MRTFA: variants seen among roughly 807,000 people sequenced by gnomAD.
MRTFA encodes the protein myocardin-related transcription factor A.
MRTFA carries 20 observed loss-of-function variants against 83.5 expected under a neutral mutation model. That is an observed-to-expected ratio of 0.24 (90% confidence interval 0.17 to 0.35). MRTFA has a LOEUF of 0.35. MRTFA is among the 10% of genes least tolerant of loss of function. The pLI is 1.00. For missense variants in MRTFA, 1,200 were observed against 1,224.7 expected (o/e 0.98, Z 0.30); for synonymous variants, 659 against 541.2 (o/e 1.22, Z -3.02).
At chr22:40,548,451 T>A (rs1353321141) in intron 3 of MRTFA, among the ~76,000 whole-genome samples, 1 of 136,456 alleles carries the variant, frequency 7.3e-6, no homozygotes, top group Non-Finnish European at 1.6e-5. Context: ...TCAAGAAGAG[T>A]GAGAGAGAGA....
In MRTFA at chr22:40,442,387, G is replaced by A. The variant is rs114838474; in HGVS notation, c.308-6833C>T. 6.3e-3 allele frequency among the ~76,000 whole-genome samples: 962 copies of A among 152,358 alleles called. 9 individuals carry two copies. The highest frequency in any genetic ancestry group is 0.022 in the African/African-American group (916 of 41,578). ...TCCAAGCAGCCCTTCTTTCAGGCAAGCCTGCTGGGTTTCTTTTTCCAGTGT... is the reference window on the plus strand; with the variant it reads ...TCCAAGCAGCCCTTCTTTCAGGCAAACCTGCTGGGTTTCTTTTTCCAGTGT... On this transcript the variant is annotated intron_variant, in intron 4 of 14. Transcript: ENST00000355630.
At position 40,612,427 on chromosome 22, in the gene MRTFA, CAT is replaced by C. The variant is rs768644776; in HGVS notation, c.-83-17694_-83-17693del. ...AAGTCAGGCACTCTTACAGTACACA[CAT>C]GTGTGGCAGTGTAGATTAGCTGTTA... On this transcript the variant is annotated intron_variant, in intron 1 of 14. Transcript: ENST00000355630. Among the ~76,000 whole-genome samples the C allele has an allele frequency of 9.7e-4, 147 of 152,330 alleles. 1 individual carries two copies. In the Middle Eastern group the frequency reaches 0.02, roughly 21 times the overall value.
At chr22:40,413,137 CAAAAAA>C (rs35119560) in intron 14 of MRTFA, among the ~76,000 whole-genome samples, 25 of 28,138 alleles carry the variant, frequency 8.9e-4, no homozygotes, top group Non-Finnish European at 1.2e-3. Flanking sequence ...CACCCTGTCT[CAAAAAA>C]AAAAAAAAAA....
chr22:40,552,310 C>T lies in MRTFA; in HGVS notation c.37G>A (p.Val13Ile), dbSNP rs1035604157. ...CCGTCCAGCCCATTCACAGCAATGACGGAAGGGGGCAGGCACACCACACTG... is the reference window on the plus strand; with the variant it reads ...CCGTCCAGCCCATTCACAGCAATGATGGAAGGGGGCAGGCACACCACACTG... The change falls in exon 3 of 15, where the codon GTC (valine) becomes ATC (isoleucine). Residue 13 changes from valine to isoleucine, a missense_variant. Physicochemically the swap from Val to Ile is conservative, Grantham distance 29. Transcript: ENST00000355630. The T allele has an allele frequency of 2.8e-5, 11 of 398,870 alleles. No individual in the cohort carries two copies. Among genetic ancestry groups the T allele is most frequent in the Admixed American group, 2.6e-4 (6 of 22,716 alleles). The allele number at this position is 398,870 out of a possible 1,614,324, so 24.7% of individuals were successfully genotyped here. A position where few individuals can be genotyped will look rare whatever the true frequency, so the allele number is the denominator to read the frequency against.
At chr22:40,526,983 G>A (rs1418782406) in intron 3 of MRTFA, among the ~76,000 whole-genome samples, 1 of 151,792 alleles carries the variant, frequency 6.6e-6, no homozygotes, top group Non-Finnish European at 1.5e-5. Flanking sequence ...AAAAAATACT[G>A]GGGTGCAGCG....
chr22:40,483,795 A>G (rs575914882), intron 3 of MRTFA, among the ~76,000 whole-genome samples: 12 of 152,212 alleles, frequency 7.9e-5, no homozygotes, highest in African/African-American at 2.9e-4. Flanking sequence ...CCCGGACTCA[A>G]TCAGTCCTCC....
rs11703821 is a variant in MRTFA at position 40,487,499 on chromosome 22, G to C, written c.242-24213C>G. On this transcript the variant is annotated intron_variant, in intron 3 of 14. Transcript: ENST00000355630. ...TGGCAAGATCAAACCAAGAACTTTG[G>C]GTTCTTGACTACCAGACCACTACTG... Among the ~76,000 whole-genome samples the C allele has an allele frequency of 6.1e-3, 930 of 152,114 alleles. 6 individuals carry two copies. The highest frequency in any genetic ancestry group is 9.0e-3 in the Non-Finnish European group (613 of 68,004).
intron 3 of MRTFA, among the ~76,000 whole-genome samples, chr22:40,508,513 C>CAAAA (rs1175724448): frequency 2.7e-4 from 7 of 26,056 alleles, no homozygotes; most frequent in African/African-American, 3.9e-4. Flanking sequence ...CTCCGTCTCT[C>CAAAA]AAAAAAAAAA....
At chr22:40,452,098 C>A (rs755286267) in intron 4 of MRTFA, among the ~76,000 whole-genome samples, 9 of 150,532 alleles carry the variant, frequency 6.0e-5, no homozygotes, top group Non-Finnish European at 1.2e-4. Flanking sequence ...ATTCTCCTGC[C>A]TCAGCCTCCC....
chr22:40,411,983 A>AC (rs953988033), intron 14 of MRTFA, 76 bp from the exon 15 acceptor site: 79 of 1,276,658 alleles, frequency 6.2e-5, no homozygotes, highest in Middle Eastern at 2.4e-4. Flanking sequence ...ATGAAGGTGG[A>AC]CCCCCCAACG....
At chr22:40,608,818 CA>C (rs1022376441) in intron 1 of MRTFA, among the ~76,000 whole-genome samples, 10 of 152,042 alleles carry the variant, frequency 6.6e-5, no homozygotes, top group Non-Finnish European at 1.3e-4. Flanking sequence ...TTTTTGTTGG[CA>C]GGGGGAACAC....
At chr22:40,512,932 A>G (rs1029143187) in intron 3 of MRTFA, among the ~76,000 whole-genome samples, 8 of 152,264 alleles carry the variant, frequency 5.3e-5, no homozygotes, top group Non-Finnish European at 8.8e-5. Context: ...CATTTGTTAA[A>G]CTATAAATTC....
At chr22:40,509,465 C>A (rs1175799012) in intron 3 of MRTFA, among the ~76,000 whole-genome samples, 1 of 152,176 alleles carries the variant, frequency 6.6e-6, no homozygotes, top group Non-Finnish European at 1.5e-5. Flanking sequence ...TCCCCATAGC[C>A]GAAAGAGGTT....
At chr22:40,417,980 G>T (rs548585202) in intron 12 of MRTFA, among the ~76,000 whole-genome samples, 29 of 152,258 alleles carry the variant, frequency 1.9e-4, no homozygotes, top group African/African-American at 7.0e-4. Flanking sequence ...TCTGAGGAGA[G>T]GACCCTGAGC....
chr22:40,551,946 C>T (rs1297661100), intron 3 of MRTFA, among the ~76,000 whole-genome samples, 160 bp downstream of exon 3: 1 of 152,106 alleles, frequency 6.6e-6, no homozygotes, highest in Non-Finnish European at 1.5e-5. Context: ...AAATGTTGGA[C>T]TTACAATGAT....
chr22:40,481,516 T>G (rs1197473584), intron 3 of MRTFA, among the ~76,000 whole-genome samples: 1 of 152,114 alleles, frequency 6.6e-6, no homozygotes, highest in Middle Eastern at 3.2e-3. Flanking sequence ...GTACGTATTA[T>G]AATTTCAGGG....
In MRTFA at chr22:40,410,331, C is replaced by T. The variant is rs2052454748; in HGVS notation, c.*1059G>A. On this transcript the variant is annotated 3_prime_UTR_variant, in exon 15 of 15. Transcript: ENST00000355630. ...TTTTAAAAAGTTCACACACCTTCCC[C>T]ATCTTTGTCCCAGCACTGGTTTTGG... The T allele has an allele frequency of 3.0e-6, 1 of 329,066 alleles. No homozygotes were observed. The highest frequency in any genetic ancestry group is 2.1e-5 in the African/African-American group (1 of 47,048). 20.4% of individuals were successfully genotyped at this position (329,066 alleles called of 1,614,324 possible).
rs188305982 is a variant in MRTFA, at chr22:40,604,508, G to A, written c.-83-9773C>T. ...TCATGCCTGTAATCCCAGCACTTTG[G>A]GAGACCGAGGTGGGCAGATTCCAAG... is the stretch of plus-strand genomic sequence containing the variant. On this transcript the variant is annotated intron_variant, in intron 1 of 14. Coordinates refer to ENST00000355630, the MANE Select transcript of MRTFA (RefSeq NM_020831.6). Among the ~76,000 whole-genome samples the A allele has an allele frequency of 2.0e-3, 301 of 151,984 alleles. 1 individual carries two copies. Among genetic ancestry groups the A allele is most frequent in the African/African-American group, 7.0e-3 (292 of 41,508 alleles).
intron 5 of MRTFA, among the ~76,000 whole-genome samples, chr22:40,434,464 G>A (rs940895983): frequency 1.2e-4 from 19 of 152,040 alleles, no homozygotes; most frequent in African/African-American, 4.6e-4. Context: ...GCTCATGCCT[G>A]TAATCCCAGG....
Sources: gnomAD v4.1 joint callset for allele counts (sites outside exome capture counted in the v4.1 genomes callset) on GRCh38, gnomAD v4.1.1 for gene constraint, MANE v1.5 for transcripts, NCBI Gene and HGNC (gene_info 2026-07-23, HGNC 2026-07-21) for gene names.